PAQR5: variants seen among roughly 807,000 people sequenced by gnomAD.
The protein encoded by PAQR5 is progestin and adipoQ receptor family member 5, also known as membrane progestin receptor gamma.
PAQR5 carries 20 observed loss-of-function variants against 34.5 expected under a neutral mutation model. That is an observed-to-expected ratio of 0.58 (90% CI 0.41 to 0.84). The LOEUF is 0.84. Among genes scored for constraint, PAQR5 ranks in the 40% least tolerant of loss-of-function variants. The probability of loss-of-function intolerance (pLI) is 0.00; values close to 1 mark genes in which losing one functional copy is unlikely to be tolerated. For synonymous variants in PAQR5, 131 were observed against 155.6 expected (o/e 0.84, Z 1.18); for missense variants, 378 against 412.7 (o/e 0.92, Z 0.73).
chr15:69,355,344 T>TTTCTTTTTTTC (rs2055042883), intron 2 of PAQR5, among the ~76,000 whole-genome samples: 6 of 56,150 alleles, frequency 1.1e-4, no homozygotes, highest in African/African-American at 3.4e-4. Flanking sequence ...TTCTTTCTTT[T>TTTCTTTTTTTC]TTTCTTTCTT....
At chr15:69,363,536 G>GTTTTTTTTT (rs1226447954) in intron 3 of PAQR5, among the ~76,000 whole-genome samples, 2 of 82,002 alleles carry the variant, frequency 2.4e-5, no homozygotes, top group African/African-American at 8.4e-5. Flanking sequence ...TTGCTAATCT[G>GTTTTTTTTT]TTTTTTGTTT....
chr15:69,375,941 A>G (rs2055693510), intron 3 of PAQR5, among the ~76,000 whole-genome samples: 1 of 152,222 alleles, frequency 6.6e-6, no homozygotes, highest in South Asian at 2.1e-4. Context: ...TAGAAAAACC[A>G]AAGGCTTGAA....
At chr15:69,326,001 A>T (rs560303674) in intron 1 of PAQR5, among the ~76,000 whole-genome samples, 1 of 152,040 alleles carries the variant, frequency 6.6e-6, no homozygotes, top group Non-Finnish European at 1.5e-5. Context: ...TCCCTCTGAA[A>T]TGTATCTGTA....
chr15:69,385,621 A>G lies in PAQR5; in HGVS notation c.385+739A>G, dbSNP rs1038516432. Among the ~76,000 whole-genome samples, 1 of 152,046 alleles carries G rather than the reference A, an allele frequency of 6.6e-6. No homozygotes were observed. The highest frequency in any genetic ancestry group is 1.5e-5 in the Non-Finnish European group (1 of 68,014). ...TGGGCATGCATCTATCCCTAAGGAT[A>G]TGAGTTCTAGATTCTTCCTCCAGGT... On this transcript the variant is annotated intron_variant, in intron 5 of 8. Coordinates refer to ENST00000395407, the MANE Select transcript of PAQR5 (RefSeq NM_017705.4). The surrounding 1 kb of genome is among the most constrained non-coding windows in gnomAD (Gnocchi z 4.7).
At chr15:69,312,051 A>G (rs2053844783) in intron 1 of PAQR5, among the ~76,000 whole-genome samples, 1 of 152,154 alleles carries the variant, frequency 6.6e-6, no homozygotes, top group Non-Finnish European at 1.5e-5. Flanking sequence ...ATTCTGAAGA[A>G]TGGAGATGAG....
intron 2 of PAQR5, among the ~76,000 whole-genome samples, chr15:69,352,072 T>C (rs1186976977): frequency 1.3e-5 from 2 of 152,214 alleles, no homozygotes; most frequent in Non-Finnish European, 1.5e-5. Context: ...TTGGGTCATA[T>C]GACCCAGCAG....
chr15:69,377,685 A>G (rs2055745173), intron 3 of PAQR5, among the ~76,000 whole-genome samples: 1 of 152,154 alleles, frequency 6.6e-6, no homozygotes, highest in Admixed American at 6.5e-5. Context: ...AGAGGCCCTG[A>G]GAGCTGTGAC....
At chr15:69,386,355 C>T (rs1472922303) in intron 5 of PAQR5, among the ~76,000 whole-genome samples, 1 of 152,116 alleles carries the variant, frequency 6.6e-6, no homozygotes, top group Non-Finnish European at 1.5e-5. Context: ...CTGCCCACTC[C>T]TTAGTGCTCT....
Position 69,346,463 on chromosome 15 carries a change from G to A in PAQR5, c.-116+8962G>A, listed in dbSNP as rs570449077. 4.2e-4 allele frequency among the ~76,000 whole-genome samples: 64 copies of A among 150,954 alleles called. No individual in the cohort carries two copies. In the Middle Eastern group the frequency reaches 0.011, roughly 25 times the overall value. On this transcript the variant is annotated intron_variant, in intron 2 of 8. Coordinates refer to ENST00000395407, the MANE Select transcript of PAQR5 (RefSeq NM_017705.4). ...TGGGACCACAGGCACATGCCACCGT[G>A]CCCAGTTAATATTTTTTGTAGGGAG...
chr15:69,367,045 A>G (rs1349318568), intron 3 of PAQR5, among the ~76,000 whole-genome samples: 5 of 152,070 alleles, frequency 3.3e-5, no homozygotes, highest in African/African-American at 9.7e-5. Flanking sequence ...TTGACTTTCA[A>G]TCCTTCCCCA....
intron 6 of PAQR5, among the ~76,000 whole-genome samples, chr15:69,394,687 T>C (rs2056365787): frequency 6.6e-6 from 1 of 152,168 alleles, no homozygotes; most frequent in Admixed American, 6.5e-5. Flanking sequence ...AGCCCTCTGG[T>C]GCGGGACTGC....
chr15:69,356,749 G>C (rs2055088993), intron 2 of PAQR5, among the ~76,000 whole-genome samples: 2 of 152,160 alleles, frequency 1.3e-5, no homozygotes, highest in Non-Finnish European at 2.9e-5. Flanking sequence ...TTGTCCTTTT[G>C]TAAGTGGCTC....
chr15:69,319,006 C>T (rs1035066527), intron 1 of PAQR5, among the ~76,000 whole-genome samples: 3 of 151,074 alleles, frequency 2.0e-5, no homozygotes, highest in South Asian at 2.1e-4. Flanking sequence ...TGGTAGGGGG[C>T]GCCTTTAATC....
At chr15:69,332,561 T>C (rs1185650374) in intron 1 of PAQR5, among the ~76,000 whole-genome samples, 1 of 152,200 alleles carries the variant, frequency 6.6e-6, no homozygotes, top group African/African-American at 2.4e-5. Context: ...TGCTCAATGC[T>C]GTAACTCAGT....
chr15:69,378,941 A>G (rs1386663309), intron 3 of PAQR5, among the ~76,000 whole-genome samples: 1 of 152,192 alleles, frequency 6.6e-6, no homozygotes, highest in Non-Finnish European at 1.5e-5. Context: ...CCAAAGTGTC[A>G]ATAGTGTCAA....
chr15:69,359,250 T>C (rs150625129), intron 2 of PAQR5, among the ~76,000 whole-genome samples: 1 of 152,290 alleles, frequency 6.6e-6, no homozygotes, highest in African/African-American at 2.4e-5. Flanking sequence ...AGATTAGGTT[T>C]TGACACATGA....
Position 69,405,126 on chromosome 15 carries a change from A to C in PAQR5, c.*1304A>C. ...CATTTTCTCATTTGTTGCATTACTG[A>C]TTAAAGTTCAGTATTTCATGGTGTT... On this transcript the variant is annotated 3_prime_UTR_variant, in exon 9 of 9. Coordinates refer to ENST00000395407, the MANE Select transcript of PAQR5 (RefSeq NM_017705.4). 2.5e-6 allele frequency: 1 copy of C among 397,244 alleles called. No individual in the cohort carries two copies. Among genetic ancestry groups the C allele is most frequent in the East Asian group, 3.6e-5 (1 of 28,024 alleles). The allele number at this position is 397,244 out of a possible 1,614,324, so 24.6% of individuals were successfully genotyped here.
chr15:69,304,372 C>T lies in PAQR5; in HGVS notation c.-277+5316C>T, dbSNP rs564286391. On this transcript the variant is annotated intron_variant, in intron 1 of 8. Coordinates refer to ENST00000395407, the MANE Select transcript of PAQR5 (RefSeq NM_017705.4). ...TTGTTCATAAATAATGGGATTGCAC[C>T]GTCAGCTCTGATGCCCTGGTGTCTG... 7.2e-5 allele frequency among the ~76,000 whole-genome samples: 11 copies of T among 152,308 alleles called. No homozygotes were observed. The East Asian group carries it at 1.7e-3, about 24-fold the overall frequency.
At chr15:69,354,966 C>G (rs1595887664) in intron 2 of PAQR5, among the ~76,000 whole-genome samples, 1 of 152,184 alleles carries the variant, frequency 6.6e-6, no homozygotes, top group Non-Finnish European at 1.5e-5. Context: ...CTTGCACCTC[C>G]ACCCCGCAGA....
Sources: allele counts gnomAD v4.1 joint callset (sites outside exome capture counted in the v4.1 genomes callset), GRCh38; gene constraint gnomAD v4.1.1; non-coding constraint Gnocchi (gnomAD v3.1); transcripts MANE v1.5; gene names NCBI Gene and HGNC (gene_info 2026-07-23, HGNC 2026-07-21).